RAD54L2: variants seen among roughly 807,000 people sequenced by gnomAD.
The protein encoded by RAD54L2 is RAD54 like 2.
RAD54L2 carries 27 observed loss-of-function variants against 138.4 expected under a neutral mutation model. The ratio of observed to expected loss-of-function variants is 0.20; its 90% confidence interval spans 0.14 to 0.27. The LOEUF (loss-of-function observed/expected upper bound fraction) is 0.27, where lower values mean the gene tolerates loss of function less well. Among genes scored for constraint, RAD54L2 ranks in the 10% least tolerant of loss-of-function variants. RAD54L2 has a pLI of 1.00. For synonymous variants in RAD54L2, 644 were observed against 723.2 expected (o/e 0.89, Z 1.76); for missense variants, 1,396 against 1,890.2 (o/e 0.74, Z 4.85).
chr3:51,552,717 C>T (rs968480606), intron 2 of RAD54L2, among the ~76,000 whole-genome samples: 4 of 151,550 alleles, frequency 2.6e-5, no homozygotes, highest in Non-Finnish European at 2.9e-5. Flanking sequence ...GGATTACAGG[C>T]GCTTACTACC....
chr3:51,600,825 A>G (rs4687734), intron 3 of RAD54L2, among the ~76,000 whole-genome samples: 134,192 of 151,968 alleles, frequency 0.88, 59,375 homozygotes, highest in East Asian at 0.94. Flanking sequence ...AAATTAGCCG[A>G]GTGTGGTGGC....
At chr3:51,590,842 C>G (rs966353851) in intron 3 of RAD54L2, among the ~76,000 whole-genome samples, 1 of 152,164 alleles carries the variant, frequency 6.6e-6, no homozygotes, top group African/African-American at 2.4e-5. Context: ...TGCATACTTG[C>G]CCAGGTCATG....
At chr3:51,624,734 A>G (rs1700639929) in intron 3 of RAD54L2, among the ~76,000 whole-genome samples, 1 of 152,204 alleles carries the variant, frequency 6.6e-6, no homozygotes, top group Non-Finnish European at 1.5e-5. Flanking sequence ...CCCCTATGCC[A>G]TGTTAACTTG....
intron 2 of RAD54L2, among the ~76,000 whole-genome samples, chr3:51,579,445 C>T (rs1266547332): frequency 6.6e-6 from 1 of 152,140 alleles, no homozygotes; most frequent in Non-Finnish European, 1.5e-5. Context: ...TGTTCCTATC[C>T]TAATTCTCAT....
At chr3:51,644,099 G>A in intron 16 of RAD54L2, 125 bp downstream of exon 16, 2 of 720,358 alleles carry the variant, frequency 2.8e-6, no homozygotes, top group South Asian at 2.1e-5. Context: ...TGTTTCTGGG[G>A]TCAGAGAGGG....
chr3:51,548,821 C>CTTTTTTTT lies in RAD54L2; in HGVS notation c.-55+7187_-55+7194dup, dbSNP rs1168106948. On this transcript the variant is annotated intron_variant, in intron 2 of 22. Coordinates refer to ENST00000684192, the MANE Select transcript of RAD54L2 (RefSeq NM_015106.4). ...CTGTCATAGCAGCCCAGTAACTCTG[C>CTTTTTTTT]TTTTTTTTTTTTTTTTTTTTTTTGA... 6.9e-5 allele frequency among the ~76,000 whole-genome samples: 7 copies of CTTTTTTTT among 101,308 alleles called. 1 individual carries two copies. Among genetic ancestry groups the CTTTTTTTT allele is most frequent in the African/African-American group, 1.2e-4 (3 of 25,478 alleles). The allele number at this position is 101,308 out of a possible 152,430, so 66.5% of individuals were successfully genotyped here.
intron 7 of RAD54L2, among the ~76,000 whole-genome samples, chr3:51,632,987 AG>A (rs370599629): frequency 3.9e-5 from 6 of 151,928 alleles, no homozygotes; most frequent in South Asian, 2.1e-4. Context: ...TGAGAGACCG[AG>A]GGGGGCAGGT....
At chr3:51,648,482 A>G (rs907738881) in intron 19 of RAD54L2, among the ~76,000 whole-genome samples, 1 of 152,204 alleles carries the variant, frequency 6.6e-6, no homozygotes, top group Non-Finnish European at 1.5e-5. Context: ...CTGAGAATGG[A>G]CAGTCTGCCT....
At position 51,627,643 on chromosome 3, in the gene RAD54L2, C is replaced by T. The variant is rs1254156700; in HGVS notation, c.230C>T (p.Ser77Phe). The T allele has an allele frequency of 1.3e-6, 2 of 1,596,884 alleles. No homozygotes were observed. The highest frequency in any genetic ancestry group is 1.7e-6 in the Non-Finnish European group (2 of 1,172,140). ...CCGCGGTGCACTTCAACTACCTCAT[C>T]TCAGTCTGAGCCTTCAGAGCAGCTT... ...QPPRCTSTTS[S>F]QSEPSEQLRR... is the part of the protein sequence containing the mutation. The change falls in exon 4 of 23, where the codon TCT becomes TTT. Residue 77 changes from serine (S) to phenylalanine (F), a missense_variant. Transcript: ENST00000684192.
At chr3:51,647,036 A>C (rs1216784067) in intron 19 of RAD54L2, among the ~76,000 whole-genome samples, 1 of 152,122 alleles carries the variant, frequency 6.6e-6, no homozygotes, top group East Asian at 1.9e-4. Flanking sequence ...ATTATAGAAC[A>C]GTTATCTAGG....
intron 5 of RAD54L2, 135 bp downstream of exon 5, chr3:51,629,608 C>A: frequency 8.7e-7 from 1 of 1,154,014 alleles, no homozygotes; most frequent in Non-Finnish European, 1.2e-6. Flanking sequence ...CCTGTAATCC[C>A]AGCATTATGG....
intron 2 of RAD54L2, among the ~76,000 whole-genome samples, chr3:51,560,460 C>T (rs1232946942): frequency 4.0e-5 from 6 of 151,146 alleles, no homozygotes; most frequent in Non-Finnish European, 5.9e-5. Context: ...CCTGGGATCA[C>T]GCCATTCTCC....
At chr3:51,622,489 C>T (rs2106781815) in intron 3 of RAD54L2, among the ~76,000 whole-genome samples, 1 of 152,196 alleles carries the variant, frequency 6.6e-6, no homozygotes, top group South Asian at 2.1e-4. Flanking sequence ...CTTTCTTGAC[C>T]ATTTCTCCTT....
At chr3:51,567,459 T>G (rs1239825378) in intron 2 of RAD54L2, among the ~76,000 whole-genome samples, 1 of 152,154 alleles carries the variant, frequency 6.6e-6, no homozygotes, top group Admixed American at 6.6e-5. Context: ...TTTGCAATTT[T>G]TTTGTTTTTG....
Position 51,637,553 on chromosome 3 carries a change from G to A in RAD54L2, c.1682+50G>A, listed in dbSNP as rs369533274. 20 of 1,535,542 alleles carry A rather than the reference G, an allele frequency of 1.3e-5. No homozygotes were observed. In the African/African-American group the frequency reaches 2.3e-4, roughly 18 times the overall value. On this transcript the variant is annotated intron_variant, in intron 11 of 22. Coordinates refer to ENST00000684192, the MANE Select transcript of RAD54L2 (RefSeq NM_015106.4). This position sits in a 1 kb window ranked among gnomAD's most constrained non-coding sequence, Gnocchi z 5.9. Reference sequence around the variant, plus strand: ...TCCTGAATTTTCAGAGGGCCCTGTTGCCAAGGGCATGCCAAACCTGTTATA... The same window carrying A: ...TCCTGAATTTTCAGAGGGCCCTGTTACCAAGGGCATGCCAAACCTGTTATA...
At chr3:51,605,451 GT>G (rs56187003) in intron 3 of RAD54L2, among the ~76,000 whole-genome samples, 35 of 109,270 alleles carry the variant, frequency 3.2e-4, no homozygotes, top group Non-Finnish European at 4.1e-4. Context: ...GAATTTGAGG[GT>G]TTTTTTTTTT....
intron 7 of RAD54L2, among the ~76,000 whole-genome samples, chr3:51,632,818 G>C (rs1700883080): frequency 6.6e-6 from 1 of 151,494 alleles, no homozygotes; most frequent in Non-Finnish European, 1.5e-5. Context: ...CTTGAACCGG[G>C]GAAATGGGAG....
chr3:51,612,280 C>T (rs1184444703), intron 3 of RAD54L2, among the ~76,000 whole-genome samples: 1 of 152,192 alleles, frequency 6.6e-6, no homozygotes, highest in Non-Finnish European at 1.5e-5. Context: ...GCCTGGCCAA[C>T]ATGGCAAAAC....
chr3:51,593,413 A>G (rs1399243143), intron 3 of RAD54L2, among the ~76,000 whole-genome samples: 2 of 151,154 alleles, frequency 1.3e-5, no homozygotes, highest in African/African-American at 4.9e-5. Context: ...GCTCACTGCA[A>G]CCTCTTCCTC....
Sources: allele counts gnomAD v4.1 joint callset (sites outside exome capture counted in the v4.1 genomes callset), GRCh38; gene constraint gnomAD v4.1.1; non-coding constraint Gnocchi (gnomAD v3.1); transcripts MANE v1.5; gene names NCBI Gene and HGNC (gene_info 2026-07-23, HGNC 2026-07-21).